Variants in SV2C observed in about 807,000 individuals in gnomAD.
SV2C encodes the protein synaptic vesicle glycoprotein 2C.
SV2C carries 49 observed loss-of-function variants against 79.7 expected under a neutral mutation model. That is an observed-to-expected ratio of 0.61 (90% confidence interval 0.49 to 0.78). SV2C has a LOEUF of 0.78. Among genes scored for constraint, SV2C ranks in the 30% least tolerant of loss-of-function variants. The probability of loss-of-function intolerance (pLI) is 0.00; values close to 1 mark genes in which losing one functional copy is unlikely to be tolerated. For missense variants in SV2C, 833 were observed against 912.9 expected (o/e 0.91, Z 1.13); for synonymous variants, 334 against 333.2 (o/e 1.00, Z -0.03).
chr5:76,121,282 G>A (rs1328242798), intron 1 of SV2C, among the ~76,000 whole-genome samples: 2 of 152,150 alleles, frequency 1.3e-5, no homozygotes, highest in Non-Finnish European at 2.9e-5. Flanking sequence ...TTTGTCAGAT[G>A]AGTAGGTTGC....
the SV2C span, among the ~76,000 whole-genome samples, chr5:76,049,152 A>G: frequency 6.6e-6 from 1 of 151,934 alleles, no homozygotes; most frequent in Non-Finnish European, 1.5e-5. Flanking sequence ...CCTGGCTAAC[A>G]TGATGAAACA....
At chr5:75,904,137 T>G in the SV2C span, among the ~76,000 whole-genome samples, 1 of 152,170 alleles carries the variant, frequency 6.6e-6, no homozygotes, top group Admixed American at 6.6e-5. Context: ...TGTTTGGTAG[T>G]TTTGATATAG....
At chr5:76,076,828 T>A in the SV2C span, among the ~76,000 whole-genome samples, 1 of 152,210 alleles carries the variant, frequency 6.6e-6, no homozygotes. Context: ...GGAGCATTGA[T>A]CTCTGGTTTC....
chr5:76,310,012 C>T (rs562451441), intron 12 of SV2C, among the ~76,000 whole-genome samples: 9 of 151,428 alleles, frequency 5.9e-5, no homozygotes, highest in Non-Finnish European at 8.8e-5. Context: ...AGAAAGATAC[C>T]TGAGCTGGGG....
At chr5:75,918,570 T>C in the SV2C span, among the ~76,000 whole-genome samples, 2 of 152,266 alleles carry the variant, frequency 1.3e-5, no homozygotes, top group Non-Finnish European at 2.9e-5. Context: ...ATGGTTTTTC[T>C]ACTCTATGGC....
the SV2C span, among the ~76,000 whole-genome samples, chr5:75,967,555 C>T: frequency 6.6e-6 from 1 of 152,198 alleles, no homozygotes; most frequent in Admixed American, 6.5e-5. Context: ...GTCCTATGCC[C>T]ACAGAGCCTC....
intron 1 of SV2C, among the ~76,000 whole-genome samples, chr5:76,130,472 A>T (rs2112182969): frequency 6.6e-6 from 1 of 152,320 alleles, no homozygotes; most frequent in East Asian, 1.9e-4. Flanking sequence ...TAGCTACAAA[A>T]TGAAAAAGTA....
the SV2C span, among the ~76,000 whole-genome samples, chr5:75,958,537 A>C: frequency 6.6e-6 from 1 of 152,148 alleles, no homozygotes; most frequent in South Asian, 2.1e-4. Context: ...CACCAATTGT[A>C]CCACAGAAAA....
At chr5:76,268,802 A>G (rs1406951681) in intron 4 of SV2C, among the ~76,000 whole-genome samples, 1 of 152,198 alleles carries the variant, frequency 6.6e-6, no homozygotes, top group African/African-American at 2.4e-5. Flanking sequence ...TTCAGGGTAC[A>G]TAAAGTTGCT....
chr5:75,911,543 C>A, the SV2C span: 1 of 665,936 alleles, frequency 1.5e-6, no homozygotes, highest in Non-Finnish European at 2.7e-6. Context: ...ACTGAGACTC[C>A]AAGTCCTAGT....
intron 4 of SV2C, among the ~76,000 whole-genome samples, chr5:76,275,687 G>A (rs531624940): frequency 2.0e-5 from 3 of 152,066 alleles, no homozygotes; most frequent in South Asian, 2.1e-4. Flanking sequence ...TGTTTTCTGC[G>A]GTCACAGAGC....
At chr5:76,258,774 C>G (rs139364739) in intron 4 of SV2C, among the ~76,000 whole-genome samples, 2 of 152,148 alleles carry the variant, frequency 1.3e-5, no homozygotes, top group African/African-American at 4.8e-5. Flanking sequence ...TAACCACCAC[C>G]CAAATCAGGA....
chr5:75,911,188 G>T, the SV2C span: 3 of 1,594,930 alleles, frequency 1.9e-6, no homozygotes, highest in African/African-American at 4.0e-5. Flanking sequence ...GCCTCTACCA[G>T]CCTGCAATGG....
intron 12 of SV2C, among the ~76,000 whole-genome samples, chr5:76,339,524 C>G (rs1248856658): frequency 6.6e-6 from 1 of 152,022 alleles, no homozygotes; most frequent in Non-Finnish European, 1.5e-5. Context: ...ACCATCCTGG[C>G]TAACAAGGTG....
chr5:76,289,603 C>CCTCCTAAATATCACT (rs1402134234), intron 6 of SV2C, among the ~76,000 whole-genome samples: 1 of 152,188 alleles, frequency 6.6e-6, no homozygotes, highest in Non-Finnish European at 1.5e-5. Flanking sequence ...TATTATTCCA[C>CCTCCTAAATATCACT]CTCCTAAATA....
At chr5:75,927,898 G>A in the SV2C span, among the ~76,000 whole-genome samples, 1 of 152,168 alleles carries the variant, frequency 6.6e-6, no homozygotes, top group Non-Finnish European at 1.5e-5. Flanking sequence ...ACCCTCTACA[G>A]GAGCCACCAA....
chr5:76,212,805 C>T (rs1047904884), intron 4 of SV2C, among the ~76,000 whole-genome samples: 11 of 152,160 alleles, frequency 7.2e-5, no homozygotes, highest in Non-Finnish European at 1.3e-4. Context: ...ACATCCCTGC[C>T]CTTGAACTCT....
chr5:76,052,647 A>G, the SV2C span, among the ~76,000 whole-genome samples: 2,041 of 152,322 alleles, frequency 0.013, 48 homozygotes, highest in African/African-American at 0.047. Flanking sequence ...CCTGTGCCCA[A>G]CACATCATGC....
chr5:76,162,403 G>A lies in SV2C; in HGVS notation c.580+30073G>A, dbSNP rs1478077178. Among the ~76,000 whole-genome samples the A allele has an allele frequency of 2.6e-5, 4 of 152,188 alleles. No individual in the cohort carries two copies. The South Asian group carries it at 8.3e-4, about 32-fold the overall frequency. On this transcript the variant is annotated intron_variant, in intron 2 of 12. Transcript: ENST00000502798. ...TCACGGCACCCACAGTACACTGAATGCTGTATGGAGCATGAGCATATAGAA... is the reference window on the plus strand; with the variant it reads ...TCACGGCACCCACAGTACACTGAATACTGTATGGAGCATGAGCATATAGAA...
Sources: gnomAD v4.1 joint callset for allele counts (sites outside exome capture counted in the v4.1 genomes callset) on GRCh38, gnomAD v4.1.1 for gene constraint, MANE v1.5 for transcripts, NCBI Gene and HGNC (gene_info 2026-07-23, HGNC 2026-07-21) for gene names.